Variants in IQCE observed in about 807,000 individuals in gnomAD.
IQCE encodes the protein IQ motif containing E.
In IQCE, 115 loss-of-function variants were observed where a neutral mutation model predicts 96.0. The ratio of observed to expected loss-of-function variants is 1.20; its 90% CI spans 1.03 to 1.40. The LOEUF is 1.40. IQCE is among the 40% of genes most tolerant of loss of function. IQCE has a pLI of 0.00. For missense variants in IQCE, 1,041 were observed against 909.1 expected, an observed-to-expected ratio of 1.15 and a Z score of -1.87; for synonymous variants, 412 against 371.2, an observed-to-expected ratio of 1.11 and a Z score of -1.26.
In IQCE at chr7:2,590,500, C is replaced by T. The variant is rs188682398; in HGVS notation, c.1244+394C>T. ...AAGATACTGGCCGGGCACGGTGGCT[C>T]ATGCCTGTAATCCCAGCACTTTGGG... is the stretch of plus-strand genomic sequence containing the variant. On this transcript the variant is annotated intron_variant, in intron 14 of 21. Coordinates refer to ENST00000402050, the MANE Select transcript of IQCE (RefSeq NM_152558.5). Among the ~76,000 whole-genome samples the T allele has an allele frequency of 7.9e-5, 12 of 152,330 alleles. No individual in the cohort carries two copies. The South Asian group carries it at 1.7e-3, about 21-fold the overall frequency.
At chr7:2,598,404 C>T (rs1423721070) in intron 16 of IQCE, 61 bp from the exon 17 acceptor site, 6 of 1,468,680 alleles carry the variant, frequency 4.1e-6, no homozygotes, top group Non-Finnish European at 5.5e-6. Context: ...TGTCCCCTTG[C>T]CGGATACTGG....
chr7:2,572,069 C>T, intron 4 of IQCE, 123 bp from the exon 5 acceptor site: 1 of 1,038,258 alleles, frequency 9.6e-7, no homozygotes, highest in Non-Finnish European at 1.4e-6. Context: ...ACCAGCACGA[C>T]ACTGACGGCT....
intron 1 of IQCE, among the ~76,000 whole-genome samples, chr7:2,563,750 C>T (rs896067710): frequency 2.7e-5 from 4 of 150,900 alleles, no homozygotes; most frequent in Non-Finnish European, 5.9e-5. Context: ...AAAAATTAGC[C>T]GGGCGTGGTG....
intron 18 of IQCE, among the ~76,000 whole-genome samples, chr7:2,602,938 A>G (rs940814175): frequency 2.6e-5 from 4 of 152,164 alleles, no homozygotes; most frequent in Admixed American, 2.0e-4. Flanking sequence ...AGACAGCTGG[A>G]CTGCCCACCT....
chr7:2,597,740 T>G (rs1784153929), intron 16 of IQCE, among the ~76,000 whole-genome samples: 1 of 152,194 alleles, frequency 6.6e-6, no homozygotes, highest in South Asian at 2.1e-4. Context: ...CAATCATGGC[T>G]CACTGCAGCT....
intron 1 of IQCE, among the ~76,000 whole-genome samples, chr7:2,562,248 G>A (rs1231378152): frequency 6.6e-6 from 1 of 151,012 alleles, no homozygotes; most frequent in Admixed American, 6.6e-5. Flanking sequence ...GTGTGTGTGT[G>A]TGTGCACATA....
At chr7:2,606,497 C>G (rs2128473609) in intron 20 of IQCE, among the ~76,000 whole-genome samples, 1 of 152,246 alleles carries the variant, frequency 6.6e-6, no homozygotes, top group Middle Eastern at 3.4e-3. Flanking sequence ...GTGAGCCTGG[C>G]CGGGGGGAGT....
intron 18 of IQCE, 63 bp from the exon 19 acceptor site, chr7:2,604,818 C>T: frequency 8.3e-7 from 1 of 1,211,160 alleles, no homozygotes; most frequent in South Asian, 1.2e-5. Context: ...GCGCCTCCCT[C>T]TCGCCCGCCG....
chr7:2,601,324 G>C (rs189904417), intron 17 of IQCE, 117 bp from the exon 18 acceptor site: 1 of 721,930 alleles, frequency 1.4e-6, no homozygotes, highest in Non-Finnish European at 2.4e-6. Flanking sequence ...GAGGAGCCAG[G>C]GCAGCCAGGC....
At chr7:2,606,260 TGAGAA>T (rs1435215378) in intron 20 of IQCE, among the ~76,000 whole-genome samples, 2 of 152,022 alleles carry the variant, frequency 1.3e-5, no homozygotes, top group Non-Finnish European at 2.9e-5. Flanking sequence ...CGGGAGGAGA[TGAGAA>T]GAGGAGCTTC....
intron 6 of IQCE, among the ~76,000 whole-genome samples, chr7:2,576,450 G>C (rs1403030187): frequency 4.0e-5 from 6 of 151,510 alleles, no homozygotes; most frequent in Admixed American, 2.6e-4. Context: ...TCTCACTCTC[G>C]TCTAGGCTGG....
In IQCE at chr7:2,598,535, A is replaced by G. The variant is rs1784218471; in HGVS notation, c.1511A>G (p.Glu504Gly). 6.2e-7 allele frequency: 1 copy of G among 1,611,164 alleles called. No individual in the cohort carries two copies. Among genetic ancestry groups the G allele is most frequent in the Non-Finnish European group, 8.5e-7 (1 of 1,178,930 alleles). ...CEQDWPPDSSEEGLPRPRSPC... is the reference protein window; with the variant it reads ...CEQDWPPDSSGEGLPRPRSPC... The stretch of plus-strand genomic sequence containing the variant: ...CAAGACTGGCCGCCGGATTCCAGCG[A>G]GGAGGGGCTCCCGCGGCCCCGCTCC... Residue 504 changes from glutamate to glycine, a missense_variant, in exon 17 of 22, where the codon GAG (glutamate) becomes GGG (glycine). By Grantham distance (98) the Glu-to-Gly change is moderately conservative (BLOSUM62 -2). Transcript: ENST00000402050.
intron 21 of IQCE, 154 bp downstream of exon 21, chr7:2,607,381 C>G (rs755237687): frequency 7.2e-7 from 1 of 1,387,248 alleles, no homozygotes; most frequent in Non-Finnish European, 9.3e-7. Context: ...TCGCCTTATG[C>G]CAGGAAGGCC....
At chr7:2,605,026 C>A (rs775987653) in intron 19 of IQCE, 35 bp downstream of exon 19, 2 of 1,422,546 alleles carry the variant, frequency 1.4e-6, no homozygotes, top group Non-Finnish European at 2.0e-6. Flanking sequence ...CAGTGGCCAT[C>A]TGCAGAGCTG....
intron 1 of IQCE, chr7:2,566,458 T>G (rs866324410): frequency 1.4e-5 from 2 of 144,046 alleles, no homozygotes; most frequent in African/African-American, 2.7e-5. Flanking sequence ...GGTTTTCGTT[T>G]TTTTTTTTTT....
intron 16 of IQCE, among the ~76,000 whole-genome samples, chr7:2,596,030 G>A (rs1231453195): frequency 1.3e-5 from 2 of 152,360 alleles, no homozygotes; most frequent in South Asian, 2.1e-4. Flanking sequence ...GCAGATGTGA[G>A]CCCATGCATG....
At chr7:2,606,967 A>C (rs1357818893) in intron 20 of IQCE, among the ~76,000 whole-genome samples, 157 bp from the exon 21 acceptor site, 1 of 152,052 alleles carries the variant, frequency 6.6e-6, no homozygotes, top group Non-Finnish European at 1.5e-5. Context: ...CTGGGTGCAT[A>C]TTGGGTACAG....
At chr7:2,603,508 C>G (rs550850523) in intron 18 of IQCE, among the ~76,000 whole-genome samples, 1 of 152,160 alleles carries the variant, frequency 6.6e-6, no homozygotes, top group Non-Finnish European at 1.5e-5. Flanking sequence ...TCAGGGGCCT[C>G]GTCTCTAAGT....
intron 17 of IQCE, 121 bp from the exon 18 acceptor site, chr7:2,601,320 C>T: frequency 5.7e-6 from 4 of 705,986 alleles, no homozygotes; most frequent in Non-Finnish European, 1.0e-5. Flanking sequence ...GAGGGAGGAG[C>T]CAGGGCAGCC....
Sources: allele counts gnomAD v4.1 joint callset (sites outside exome capture counted in the v4.1 genomes callset), GRCh38; gene constraint gnomAD v4.1.1; transcripts MANE v1.5; gene names NCBI Gene and HGNC (gene_info 2026-07-23, HGNC 2026-07-21).